The following LMBR1 variants were observed in gnomAD, a reference collection of about 807,000 sequenced individuals.
The protein encoded by LMBR1 is limb development membrane protein 1, also known as limb region 1 protein homolog.
In LMBR1, 52 loss-of-function variants were observed where a neutral mutation model predicts 73.9. The observed-to-expected ratio is 0.70, with a 90% CI of 0.56 to 0.89. The LOEUF (loss-of-function observed/expected upper bound fraction) is 0.89, where lower values mean the gene tolerates loss of function less well. LMBR1 is among the 40% of genes least tolerant of loss of function. The probability of loss-of-function intolerance (pLI) is 0.00; values close to 1 mark genes in which losing one functional copy is unlikely to be tolerated. For missense variants in LMBR1, 539 were observed against 579.8 expected (o/e 0.93, Z 0.72); for synonymous variants, 215 against 209.4 (o/e 1.03, Z -0.23).
intron 5 of LMBR1, among the ~76,000 whole-genome samples, chr7:156,773,341 C>G (rs1825554277): frequency 1.3e-5 from 2 of 152,070 alleles, no homozygotes; most frequent in East Asian, 1.9e-4. Flanking sequence ...TTAAAAAAAA[C>G]TACTCTAAAA....
intron 15 of LMBR1, among the ~76,000 whole-genome samples, chr7:156,688,577 G>A (rs969070002): frequency 5.3e-5 from 8 of 151,814 alleles, no homozygotes; most frequent in African/African-American, 9.7e-5. Context: ...CAAGAGTCAC[G>A]ATGAAAAAGA....
intron 15 of LMBR1, among the ~76,000 whole-genome samples, chr7:156,707,946 C>A (rs972146142): frequency 1.3e-5 from 2 of 151,618 alleles, no homozygotes; most frequent in South Asian, 4.2e-4. Context: ...CCTAATGGAT[C>A]CCCCCACAAA....
intron 4 of LMBR1, among the ~76,000 whole-genome samples, chr7:156,805,610 A>C (rs1265409976): frequency 1.3e-5 from 2 of 152,194 alleles, no homozygotes; most frequent in Non-Finnish European, 2.9e-5. Flanking sequence ...TGTTTAGGCT[A>C]TTCTAAGTCC....
chr7:156,673,796 C>T (rs375782678), downstream of LMBR1, among the ~76,000 whole-genome samples: 1 of 152,130 alleles, frequency 6.6e-6, no homozygotes, highest in East Asian at 1.9e-4. Context: ...GTCTCACGAT[C>T]TTTTTGCAGA....
At chr7:156,712,254 T>C (rs1812223932) in intron 15 of LMBR1, among the ~76,000 whole-genome samples, 1 of 151,942 alleles carries the variant, frequency 6.6e-6, no homozygotes, top group African/African-American at 2.4e-5. Context: ...AACTAGCATA[T>C]GAAAAAATGC....
At chr7:156,816,986 T>G (rs1056896851) in intron 4 of LMBR1, among the ~76,000 whole-genome samples, 1 of 152,186 alleles carries the variant, frequency 6.6e-6, no homozygotes, top group Non-Finnish European at 1.5e-5. Flanking sequence ...TATTTCCATA[T>G]AGTAGTCAAA....
At chr7:156,872,980 C>T (rs1478465164) in intron 1 of LMBR1, among the ~76,000 whole-genome samples, 4 of 152,140 alleles carry the variant, frequency 2.6e-5, no homozygotes, top group South Asian at 4.1e-4. Context: ...AGAATGAAGC[C>T]GCGGACCCTC....
chr7:156,798,665 G>C (rs913510737), intron 4 of LMBR1, among the ~76,000 whole-genome samples: 1 of 151,784 alleles, frequency 6.6e-6, no homozygotes, highest in Non-Finnish European at 1.5e-5. Context: ...AGATATGTGG[G>C]GTATAACAAT....
chr7:156,729,034 G>C (rs1405895388), intron 10 of LMBR1, among the ~76,000 whole-genome samples: 1 of 151,972 alleles, frequency 6.6e-6, no homozygotes, highest in Non-Finnish European at 1.5e-5. Flanking sequence ...TGTGGAGACA[G>C]GTTCTTGCTA....
At chr7:156,802,524 A>C (rs960387429) in intron 4 of LMBR1, among the ~76,000 whole-genome samples, 13 of 152,240 alleles carry the variant, frequency 8.5e-5, no homozygotes, top group African/African-American at 3.1e-4. Context: ...CTAAAGAAGT[A>C]GTCTCAGAAT....
chr7:156,689,971 T>A (rs1329434117), intron 15 of LMBR1, among the ~76,000 whole-genome samples: 1 of 152,228 alleles, frequency 6.6e-6, no homozygotes, highest in African/African-American at 2.4e-5. Flanking sequence ...AATTTTATCA[T>A]TAGGGCCAAA....
intron 15 of LMBR1, among the ~76,000 whole-genome samples, chr7:156,691,286 G>A (rs1397486757): frequency 6.6e-6 from 1 of 152,144 alleles, no homozygotes; most frequent in Non-Finnish European, 1.5e-5. Context: ...TTAAGCAGTA[G>A]TTAAGCATAA....
At chr7:156,673,626 C>CA (rs1803094974), downstream of LMBR1, among the ~76,000 whole-genome samples, 1 of 152,158 alleles carries the variant, frequency 6.6e-6, no homozygotes, top group Non-Finnish European at 1.5e-5. Flanking sequence ...GATCCTCAGC[C>CA]ACCCCCTTCA....
intron 1 of LMBR1, among the ~76,000 whole-genome samples, chr7:156,887,315 T>A (rs1802078127): frequency 6.6e-6 from 1 of 151,876 alleles, no homozygotes. Context: ...GTACAGAAAT[T>A]AGCTGGGTGT....
intron 1 of LMBR1, among the ~76,000 whole-genome samples, chr7:156,845,277 G>A (rs1259478909): frequency 6.6e-6 from 1 of 152,098 alleles, no homozygotes; most frequent in East Asian, 1.9e-4. Flanking sequence ...ATATTCCATA[G>A]CAGAGAGGTC....
intron 11 of LMBR1, 34 bp downstream of exon 11, chr7:156,728,610 T>C: frequency 6.9e-7 from 1 of 1,449,498 alleles, no homozygotes; most frequent in Non-Finnish European, 9.5e-7. Context: ...AAAATATAAT[T>C]TGCTTTTATT....
intron 15 of LMBR1, among the ~76,000 whole-genome samples, chr7:156,714,321 T>C (rs1366441109): frequency 6.6e-6 from 1 of 152,178 alleles, no homozygotes; most frequent in Non-Finnish European, 1.5e-5. Context: ...CAAACTTGAT[T>C]TGTGGAGTTC....
chr7:156,867,788 G>A (rs1176627308), intron 1 of LMBR1, among the ~76,000 whole-genome samples: 2 of 152,160 alleles, frequency 1.3e-5, no homozygotes, highest in Non-Finnish European at 2.9e-5. Flanking sequence ...GGTGCAACAG[G>A]GGATGACTGC....
rs1350683924 is a variant in LMBR1, at chr7:156,682,404, AT to A, written c.*1673del. ...CACTAAAAATCAAACCTGGCAATTA[AT>A]ACTTCAATAGGCATAACAATGAAAT... On this transcript the variant is annotated 3_prime_UTR_variant, in exon 17 of 17. Transcript: ENST00000353442. 1 of 152,206 alleles carries A rather than the reference AT, an allele frequency of 6.6e-6. No homozygotes were observed. Among genetic ancestry groups the A allele is most frequent in the Non-Finnish European group, 1.5e-5 (1 of 68,046 alleles). 9.4% of individuals were successfully genotyped at this position (152,206 alleles called of 1,614,324 possible).
Sources: allele counts gnomAD v4.1 joint callset (sites outside exome capture counted in the v4.1 genomes callset), GRCh38; gene constraint gnomAD v4.1.1; transcripts MANE v1.5; gene names NCBI Gene and HGNC (gene_info 2026-07-23, HGNC 2026-07-21).